CCN4: variants seen among roughly 807,000 people sequenced by gnomAD.
CCN4 encodes the protein cellular communication network factor 4.
CCN4 carries 30 observed loss-of-function variants against 36.7 expected under a neutral mutation model. That is an observed-to-expected ratio of 0.82 (90% CI 0.61 to 1.11). CCN4 has a LOEUF of 1.11. Among genes scored for constraint, CCN4 ranks in the 50% least tolerant of loss-of-function variants. The pLI, the probability that CCN4 is intolerant of heterozygous loss-of-function variation, is 0.00. For synonymous variants in CCN4, 191 were observed against 195.4 expected (o/e 0.98, Z 0.19); for missense variants, 505 against 504.9 (o/e 1.00, Z 0.00).
intron 2 of CCN4, among the ~76,000 whole-genome samples, chr8:133,217,711 G>A (rs369907583): frequency 2.0e-5 from 3 of 152,030 alleles, no homozygotes; most frequent in South Asian, 2.1e-4. Context: ...TTTAAAATAC[G>A]GAGATCAACA....
At chr8:133,224,203 T>A (rs1288587128) in intron 3 of CCN4, among the ~76,000 whole-genome samples, 1 of 142,656 alleles carries the variant, frequency 7.0e-6, no homozygotes, top group African/African-American at 2.6e-5. Flanking sequence ...TGAACCCTGG[T>A]GATTTGAATT....
At chr8:133,217,962 T>A (rs1376059538) in intron 2 of CCN4, among the ~76,000 whole-genome samples, 1 of 25,968 alleles carries the variant, frequency 3.9e-5, no homozygotes, top group African/African-American at 2.9e-4. Context: ...ACACACACAC[T>A]CTTCCTGGAG....
chr8:133,191,684 T>C (rs1012534462), intron 1 of CCN4, among the ~76,000 whole-genome samples: 2 of 151,958 alleles, frequency 1.3e-5, no homozygotes, highest in African/African-American at 4.8e-5. Flanking sequence ...AGATGGGAGA[T>C]GGAAAAAGCC....
intron 1 of CCN4, among the ~76,000 whole-genome samples, chr8:133,204,434 C>G (rs1305268805): frequency 6.6e-6 from 1 of 152,220 alleles, no homozygotes; most frequent in Non-Finnish European, 1.5e-5. Context: ...CCACACTTTT[C>G]TCTTATCCCT....
chr8:133,193,167 G>A (rs767421430), intron 1 of CCN4, among the ~76,000 whole-genome samples: 3 of 152,184 alleles, frequency 2.0e-5, no homozygotes, highest in African/African-American at 7.2e-5. Context: ...TTCCATACAT[G>A]GTCATCCTCC....
At chr8:133,224,155 T>C (rs916385777) in intron 3 of CCN4, among the ~76,000 whole-genome samples, 2 of 151,434 alleles carry the variant, frequency 1.3e-5, no homozygotes, top group Non-Finnish European at 2.9e-5. Context: ...GCTAGCTTAT[T>C]GGAAGTTACA....
At chr8:133,216,636 A>T (rs149681505) in intron 2 of CCN4, among the ~76,000 whole-genome samples, 1 of 152,368 alleles carries the variant, frequency 6.6e-6, no homozygotes, top group East Asian at 1.9e-4. Flanking sequence ...TGGCTATTTC[A>T]GTTGCACAAA....
Position 133,228,894 on chromosome 8 carries a change from G to C in CCN4, c.*1184G>C, listed in dbSNP as rs2929970. ...TCTGGTAGGAAGATGGAGGTTTACC[G>C]GTTGTTTAGAAACAGAAATAGACTT... On this transcript the variant is annotated 3_prime_UTR_variant, in exon 5 of 5. Transcript: ENST00000250160. The C allele has an allele frequency of 6.6e-6, 1 of 151,914 alleles. No individual in the cohort carries two copies. Among genetic ancestry groups the C allele is most frequent in the African/African-American group, 2.4e-5 (1 of 41,360 alleles). The allele number at this position is 151,914 out of a possible 1,614,324, so 9.4% of individuals were successfully genotyped here. A position where few individuals can be genotyped will look rare whatever the true frequency, so the allele number is the denominator to read the frequency against.
At chr8:133,218,211 A>T (rs1367457017) in intron 2 of CCN4, among the ~76,000 whole-genome samples, 1 of 152,164 alleles carries the variant, frequency 6.6e-6, no homozygotes, top group African/African-American at 2.4e-5. Context: ...CCATCAAAGG[A>T]GAAAAATAAA....
At chr8:133,212,161 T>TG (rs966949810) in intron 1 of CCN4, among the ~76,000 whole-genome samples, 48 of 151,588 alleles carry the variant, frequency 3.2e-4, no homozygotes, top group African/African-American at 9.5e-4. Flanking sequence ...ATGTGTTGGG[T>TG]GGGGGGTCTC....
intron 3 of CCN4, among the ~76,000 whole-genome samples, chr8:133,224,400 G>A (rs547896004): frequency 6.6e-6 from 1 of 151,672 alleles, no homozygotes; most frequent in South Asian, 2.1e-4. Flanking sequence ...CACCATGCCC[G>A]GTTAATTTGT....
chr8:133,209,241 G>A (rs1263805371), intron 1 of CCN4, among the ~76,000 whole-genome samples: 3 of 152,208 alleles, frequency 2.0e-5, no homozygotes, highest in Admixed American at 2.0e-4. Flanking sequence ...GGACTCACTT[G>A]TGGCCTGCAG....
chr8:133,229,895 T>C lies in CCN4; in HGVS notation c.*2185T>C, dbSNP rs971976735. The C allele has an allele frequency of 6.6e-6, 1 of 152,272 alleles. No individual in the cohort carries two copies. The highest frequency in any genetic ancestry group is 2.4e-5 in the African/African-American group (1 of 41,474). The allele number at this position is 152,272 out of a possible 1,614,324, so 9.4% of individuals were successfully genotyped here. On this transcript the variant is annotated 3_prime_UTR_variant, in exon 5 of 5. Coordinates refer to ENST00000250160, the MANE Select transcript of CCN4 (RefSeq NM_003882.4). ...TCTTGTATAAAGAGAATTCACTCCA[T>C]GAATGATCTCTTCTGTAAGTCAGTG...
In CCN4 at chr8:133,228,500, G is replaced by A. The variant is rs1854831927; in HGVS notation, c.*790G>A. ...TCTCACACTGAATCAGCTGCTGACT[G>A]GCAGGGCTTTGGGCAGTTGGCCAGG... On this transcript the variant is annotated 3_prime_UTR_variant, in exon 5 of 5. Coordinates refer to ENST00000250160, the MANE Select transcript of CCN4 (RefSeq NM_003882.4). 1 of 152,258 alleles carries A rather than the reference G, an allele frequency of 6.6e-6. No homozygotes were observed. Among genetic ancestry groups the A allele is most frequent in the African/African-American group, 2.4e-5 (1 of 41,448 alleles). 9.4% of individuals were successfully genotyped at this position (152,258 alleles called of 1,614,324 possible).
intron 2 of CCN4, among the ~76,000 whole-genome samples, chr8:133,214,881 AT>A (rs1044401549): frequency 1.8e-4 from 28 of 152,108 alleles, no homozygotes; most frequent in Non-Finnish European, 3.2e-4. Flanking sequence ...TAACCATTAT[AT>A]TTTTTGAGGT....
intron 1 of CCN4, among the ~76,000 whole-genome samples, chr8:133,192,909 C>T (rs1170634176): frequency 1.3e-5 from 2 of 152,192 alleles, no homozygotes; most frequent in African/African-American, 2.4e-5. Flanking sequence ...TGGAGGGACC[C>T]AGGGAGCAGG....
intron 1 of CCN4, among the ~76,000 whole-genome samples, chr8:133,202,967 C>G (rs1314743322): frequency 6.6e-6 from 1 of 152,258 alleles, no homozygotes; most frequent in Non-Finnish European, 1.5e-5. Flanking sequence ...CAGGGCTTCT[C>G]TTTTCAGCAA....
intron 3 of CCN4, among the ~76,000 whole-genome samples, chr8:133,222,997 T>C (rs1854589302): frequency 6.6e-6 from 1 of 151,936 alleles, no homozygotes; most frequent in Admixed American, 6.6e-5. Context: ...CTCTACCCAC[T>C]AGATGCCAGA....
intron 3 of CCN4, among the ~76,000 whole-genome samples, chr8:133,222,068 TG>T (rs1854554555): frequency 6.6e-6 from 1 of 151,340 alleles, no homozygotes; most frequent in Non-Finnish European, 1.5e-5. Flanking sequence ...AATGGATGAT[TG>T]GATGGATAGA....
Sources: allele counts gnomAD v4.1 joint callset (sites outside exome capture counted in the v4.1 genomes callset), GRCh38; gene constraint gnomAD v4.1.1; transcripts MANE v1.5; gene names NCBI Gene and HGNC (gene_info 2026-07-23, HGNC 2026-07-21).